STARD7: variants seen among roughly 807,000 people sequenced by gnomAD.
STARD7 encodes the protein stAR-related lipid transfer protein 7, mitochondrial.
A neutral mutation model predicts 45.3 loss-of-function variants in STARD7; 30 were observed. That is an observed-to-expected ratio of 0.66 (90% CI 0.50 to 0.90). The LOEUF is 0.90. STARD7 is among the 40% of genes least tolerant of loss of function. The pLI is 0.00. For synonymous variants in STARD7, 199 were observed against 183.0 expected, an observed-to-expected ratio of 1.09 and a Z score of -0.70; for missense variants, 495 against 491.3, an observed-to-expected ratio of 1.01 and a Z score of -0.07.
intron 1 of STARD7, among the ~76,000 whole-genome samples, chr2:96,204,595 G>A (rs1185099399): frequency 6.6e-6 from 1 of 152,096 alleles, no homozygotes; most frequent in East Asian, 1.9e-4. Flanking sequence ...GACAGGACAG[G>A]ACATCAATTA....
intron 3 of STARD7, 114 bp downstream of exon 3, chr2:96,194,844 T>C (rs985236783): frequency 1.2e-6 from 1 of 808,740 alleles, no homozygotes; most frequent in Admixed American, 2.4e-5. Context: ...GGATGACAGG[T>C]AGATAGATGG....
intron 1 of STARD7, among the ~76,000 whole-genome samples, chr2:96,207,794 T>C (rs1056371186): frequency 6.6e-6 from 1 of 152,124 alleles, no homozygotes; most frequent in Admixed American, 6.5e-5. Context: ...TGTTTTGAAT[T>C]TGCACCTTTC....
chr2:96,192,966 A>G, intron 5 of STARD7, 112 bp downstream of exon 5: 2 of 748,858 alleles, frequency 2.7e-6, no homozygotes, highest in Non-Finnish European at 4.7e-6. Flanking sequence ...CACTGGCTGC[A>G]GGGAAGCCTG....
intron 1 of STARD7, among the ~76,000 whole-genome samples, chr2:96,199,275 C>G (rs1683270671): frequency 6.6e-6 from 1 of 152,126 alleles, no homozygotes; most frequent in African/African-American, 2.4e-5. Context: ...GTATTGCCAT[C>G]TTAGCAATAT....
At position 96,193,329 on chromosome 2, in the gene STARD7, T is replaced by TC. The variant is rs752892684; in HGVS notation, c.572_573insG (p.Trp192MetfsTer12). On this transcript the variant is annotated frameshift_variant, in exon 4 of 8. Coordinates refer to ENST00000337288, the MANE Select transcript of STARD7 (RefSeq NM_020151.4). LOFTEE classifies it high-confidence loss of function. ...CCAGCTTGATTACCAGGGCATCCCATTTTTTTCTATACTCTGTGTCCAGCT... is the reference window on the plus strand; with the variant it reads ...CCAGCTTGATTACCAGGGCATCCCATCTTTTTTCTATACTCTGTGTCCAGCT... The TC allele has an allele frequency of 1.1e-5, 17 of 1,611,984 alleles. No individual in the cohort carries two copies. The highest frequency in any genetic ancestry group is 1.4e-5 in the Non-Finnish European group (17 of 1,178,306).
At position 96,208,588 on chromosome 2, in the gene STARD7, C is replaced by A; in HGVS notation, c.-154G>T. The A allele has an allele frequency of 1.7e-6, 1 of 602,428 alleles. No individual in the cohort carries two copies. Among genetic ancestry groups the A allele is most frequent in the Non-Finnish European group, 2.6e-6 (1 of 381,964 alleles). 37.3% of individuals were successfully genotyped at this position (602,428 alleles called of 1,614,324 possible). A position where few individuals can be genotyped will look rare whatever the true frequency, so the allele number is the denominator to read the frequency against. ...AGCCGCCGCTCATCTGTCTCTGCAG[C>A]CACCGCTGAGGAAGAGTCTCCTCTG... On this transcript the variant is annotated 5_prime_UTR_variant, in exon 1 of 8. Coordinates refer to ENST00000337288, the MANE Select transcript of STARD7 (RefSeq NM_020151.4).
intron 1 of STARD7, among the ~76,000 whole-genome samples, chr2:96,197,066 CAAAATAAAAT>C (rs369471334): frequency 0.018 from 1,635 of 89,734 alleles, 28 homozygotes; most frequent in African/African-American, 0.048. Flanking sequence ...AACTCCGTCT[CAAAATAAAAT>C]AAAATAAAAT....
At chr2:96,201,797 A>T (rs1021874614) in intron 1 of STARD7, among the ~76,000 whole-genome samples, 1 of 152,002 alleles carries the variant, frequency 6.6e-6, no homozygotes, top group Non-Finnish European at 1.5e-5. Flanking sequence ...CTGTCTCAAA[A>T]ATATATATAT....
chr2:96,191,861 G>A (rs1006176017), intron 6 of STARD7, among the ~76,000 whole-genome samples: 3 of 152,040 alleles, frequency 2.0e-5, no homozygotes, highest in African/African-American at 7.2e-5. Context: ...ACTCTCAGTG[G>A]AGATTTAGCT....
At chr2:96,202,773 T>C (rs1252791374) in intron 1 of STARD7, among the ~76,000 whole-genome samples, 1 of 152,176 alleles carries the variant, frequency 6.6e-6, no homozygotes, top group Non-Finnish European at 1.5e-5. Context: ...TGCCACATAA[T>C]AAAGGGGAGC....
chr2:96,200,603 G>A lies in STARD7; in HGVS notation c.291-5054C>T, dbSNP rs146084791. 7.1e-4 allele frequency among the ~76,000 whole-genome samples: 108 copies of A among 152,212 alleles called. 1 individual carries two copies. The highest frequency in any genetic ancestry group is 2.1e-3 in the African/African-American group (87 of 41,526). ...TAACATAGCTGTACTTGCAACGCTC[G>A]TGTTATTATTTAAACCTTTTTTATA... On this transcript the variant is annotated intron_variant, in intron 1 of 7. Coordinates refer to ENST00000337288, the MANE Select transcript of STARD7 (RefSeq NM_020151.4).
rs374141714 is a variant in STARD7, at chr2:96,195,541, T to C, written c.299A>G (p.Asn100Ser). 6.2e-7 allele frequency: 1 copy of C among 1,612,550 alleles called. No individual in the cohort carries two copies. Among genetic ancestry groups the C allele is most frequent in the Non-Finnish European group, 8.5e-7 (1 of 1,179,158 alleles). Residue 100 changes from asparagine (N) to serine (S), a missense_variant, in exon 2 of 8, where the codon AAT becomes AGT. Around this residue, in one of 2 missense-constraint regions of STARD7, gnomAD observed 282 missense variants for 220.1 expected, o/e 1.28. Coordinates refer to ENST00000337288, the MANE Select transcript of STARD7 (RefSeq NM_020151.4). ...CATTTCTTCCAACCGCTTCATCTCA[T>C]TAATAGATCTGTAAAGGGGAAAAAG... The part of the protein sequence containing the change: ...IQEEELQRSI[N>S]EMKRLEEMSN...
intron 1 of STARD7, among the ~76,000 whole-genome samples, chr2:96,202,366 G>A (rs1389997631): frequency 1.3e-5 from 2 of 152,174 alleles, no homozygotes; most frequent in African/African-American, 2.4e-5. Flanking sequence ...TCAATACTGA[G>A]TGACCTAATA....
At chr2:96,199,922 C>A (rs1226713282) in intron 1 of STARD7, among the ~76,000 whole-genome samples, 2 of 152,154 alleles carry the variant, frequency 1.3e-5, no homozygotes, top group Admixed American at 1.3e-4. Flanking sequence ...GATGATCACG[C>A]AGTTTTTGTC....
At chr2:96,192,207 G>A (rs1164373552) in intron 6 of STARD7, among the ~76,000 whole-genome samples, 162 bp downstream of exon 6, 10 of 152,124 alleles carry the variant, frequency 6.6e-5, no homozygotes, top group African/African-American at 2.2e-4. Flanking sequence ...CATCACCTAC[G>A]TCAGGAGTTC....
intron 3 of STARD7, 80 bp downstream of exon 3, chr2:96,194,878 G>T: frequency 8.3e-7 from 1 of 1,208,480 alleles, no homozygotes; most frequent in Non-Finnish European, 1.2e-6. Flanking sequence ...AATGTCACCT[G>T]AGTCAGATAA....
At chr2:96,198,258 G>C (rs1291975012) in intron 1 of STARD7, among the ~76,000 whole-genome samples, 1 of 151,924 alleles carries the variant, frequency 6.6e-6, no homozygotes, top group East Asian at 1.9e-4. Flanking sequence ...AGGAGGTGGA[G>C]GTTGCAGTGA....
At chr2:96,205,887 A>G (rs1260962435) in intron 1 of STARD7, among the ~76,000 whole-genome samples, 1 of 152,220 alleles carries the variant, frequency 6.6e-6, no homozygotes, top group Non-Finnish European at 1.5e-5. Flanking sequence ...TTTTAATTAC[A>G]TGAAAAACCA....
At chr2:96,195,107 C>A in intron 2 of STARD7, 100 bp from the exon 3 acceptor site, 2 of 1,104,020 alleles carry the variant, frequency 1.8e-6, no homozygotes, top group Non-Finnish European at 1.3e-6. Flanking sequence ...ACTAAGAGAT[C>A]TTAAAGGCAG....
Sources: allele counts gnomAD v4.1 joint callset (sites outside exome capture counted in the v4.1 genomes callset), GRCh38; gene constraint gnomAD v4.1.1; regional missense constraint gnomAD v4.1.1; transcripts MANE v1.5; gene names NCBI Gene and HGNC (gene_info 2026-07-23, HGNC 2026-07-21).